Variants in NT5C3A observed in about 807,000 individuals in gnomAD.
NT5C3A encodes the protein 5'-nucleotidase, cytosolic IIIA, also known as cytosolic 5'-nucleotidase 3A.
Under a neutral mutation model 40.0 loss-of-function variants are expected in NT5C3A, and 23 were observed. That is an observed-to-expected ratio of 0.58 (90% confidence interval 0.41 to 0.81). The LOEUF (loss-of-function observed/expected upper bound fraction) is 0.81. Among genes scored for constraint, NT5C3A ranks in the 40% least tolerant of loss-of-function variants. The pLI, the probability that NT5C3A is intolerant of heterozygous loss-of-function variation, is 0.00. For missense variants in NT5C3A, 328 were observed against 403.0 expected (o/e 0.81, Z 1.59); for synonymous variants, 130 against 141.4 (o/e 0.92, Z 0.57).
At chr7:33,054,072 T>C (rs1357889444) in intron 1 of NT5C3A, among the ~76,000 whole-genome samples, 5 of 147,174 alleles carry the variant, frequency 3.4e-5, no homozygotes, top group African/African-American at 1.3e-4. Flanking sequence ...TTGAGTTTAA[T>C]GGGCTGGGCA....
chr7:33,043,909 G>A (rs571034753), intron 1 of NT5C3A, among the ~76,000 whole-genome samples: 124 of 152,234 alleles, frequency 8.1e-4, no homozygotes, highest in South Asian at 5.2e-3. Context: ...TTTAATTGGT[G>A]TAATTTTAAG....
chr7:33,019,447 C>A (rs1785508457), intron 6 of NT5C3A, among the ~76,000 whole-genome samples, 188 bp downstream of exon 6: 1 of 152,154 alleles, frequency 6.6e-6, no homozygotes, highest in Admixed American at 6.5e-5. Context: ...TTACTACCTA[C>A]ACCAAGATCT....
At chr7:33,019,799 T>G in intron 5 of NT5C3A, 75 bp from the exon 6 acceptor site, 1 of 833,258 alleles carries the variant, frequency 1.2e-6, no homozygotes, top group African/African-American at 1.7e-5. Context: ...TACAAAACAT[T>G]CTTCCATGTG....
At chr7:33,033,636 G>T (rs1383215608) in intron 1 of NT5C3A, among the ~76,000 whole-genome samples, 1 of 151,992 alleles carries the variant, frequency 6.6e-6, no homozygotes, top group Admixed American at 6.6e-5. Context: ...TCTTCTTCTG[G>T]GGTCAAAGGA....
chr7:33,027,173 G>A, intron 1 of NT5C3A: 1 of 399,124 alleles, frequency 2.5e-6, no homozygotes, highest in South Asian at 2.3e-5. Context: ...GGGCTCAAAT[G>A]ATCCTCCCAT....
At chr7:33,030,447 T>C (rs1016106181) in intron 1 of NT5C3A, among the ~76,000 whole-genome samples, 1 of 152,184 alleles carries the variant, frequency 6.6e-6, no homozygotes, top group Non-Finnish European at 1.5e-5. Flanking sequence ...TTTTGAATTG[T>C]CTGAAAAATT....
rs1380359001 is a variant in NT5C3A, at chr7:33,053,453, T to C, written c.138+9115A>G. Among the ~76,000 whole-genome samples the C allele has an allele frequency of 2.0e-5, 3 of 152,218 alleles. No individual in the cohort carries two copies. The East Asian group carries it at 5.8e-4, about 30-fold the overall frequency. On this transcript the variant is annotated intron_variant, in intron 1 of 8. Coordinates refer to ENST00000610140, the MANE Select transcript of NT5C3A (RefSeq NM_001002010.5). ...TGCCCACCTTGGCCTCCCAAAGTGC[T>C]GGGATTACAGGCGTGAGCCACCGTG...
chr7:33,041,683 G>T (rs1786920652), intron 1 of NT5C3A, among the ~76,000 whole-genome samples: 1 of 151,946 alleles, frequency 6.6e-6, no homozygotes, highest in South Asian at 2.1e-4. Context: ...TTTAAAAATG[G>T]GGGGAAAAAG....
intron 1 of NT5C3A, chr7:33,041,207 C>T (rs1242116127): frequency 1.9e-5 from 17 of 903,736 alleles, no homozygotes; most frequent in Non-Finnish European, 2.1e-5. Context: ...TCCTTTCCAC[C>T]TGGTTTGTCA....
At chr7:33,023,038 A>G (rs942367779) in intron 3 of NT5C3A, among the ~76,000 whole-genome samples, 62 of 151,494 alleles carry the variant, frequency 4.1e-4, no homozygotes, top group African/African-American at 1.4e-3. Flanking sequence ...CAGCCTCCCA[A>G]ATGAGTAGCT....
chr7:33,019,678 C>T lies in NT5C3A; in HGVS notation c.487G>A (p.Ala163Thr), dbSNP rs1463708777. ...GLLVQQALPKAKLKEIVAESD... is the reference protein window; with the variant it reads ...GLLVQQALPKTKLKEIVAESD... ...TCTGCCACAATTTCTTTAAGTTTAG[C>T]TTTTGGTAAAGCTTGCTGAACAAGC... The change falls in exon 6 of 9, where the codon GCT (alanine) becomes ACT (threonine). Residue 163 changes from alanine to threonine, a missense_variant. Physicochemically the swap from Ala to Thr is moderately conservative, Grantham distance 58. Coordinates refer to ENST00000610140, the MANE Select transcript of NT5C3A (RefSeq NM_001002010.5). 1.2e-6 allele frequency: 2 copies of T among 1,610,870 alleles called. No individual in the cohort carries two copies. The highest frequency in any genetic ancestry group is 1.7e-6 in the Non-Finnish European group (2 of 1,178,242).
At chr7:33,025,592 A>G (rs1180998065) in intron 2 of NT5C3A, among the ~76,000 whole-genome samples, 1 of 152,236 alleles carries the variant, frequency 6.6e-6, no homozygotes, top group Non-Finnish European at 1.5e-5. Context: ...CTGAACTACT[A>G]TGATTAAAAC....
chr7:33,029,455 G>GAC (rs1583919847), intron 1 of NT5C3A: 1 of 356,350 alleles, frequency 2.8e-6, no homozygotes, highest in Non-Finnish European at 5.5e-6. Context: ...TTTATCTCTT[G>GAC]ACAACTAATT....
chr7:33,046,517 G>C (rs183778853), intron 1 of NT5C3A, among the ~76,000 whole-genome samples: 57 of 116,720 alleles, frequency 4.9e-4, no homozygotes, highest in Non-Finnish European at 4.9e-4. Context: ...CTGTGTGACA[G>C]GGGGAGGTTG....
intron 1 of NT5C3A, among the ~76,000 whole-genome samples, chr7:33,033,915 G>A (rs1241762646): frequency 7.2e-6 from 1 of 139,072 alleles, no homozygotes; most frequent in African/African-American, 2.9e-5. Flanking sequence ...TTTTTGAGAG[G>A]GAGTCTCGCA....
intron 1 of NT5C3A, among the ~76,000 whole-genome samples, chr7:33,043,189 G>A (rs1422425211): frequency 6.6e-6 from 1 of 152,124 alleles, no homozygotes; most frequent in African/African-American, 2.4e-5. Context: ...GCACAGTACT[G>A]CTCCATGAGC....
At chr7:33,057,435 T>C (rs1365771835) in intron 1 of NT5C3A, among the ~76,000 whole-genome samples, 1 of 152,068 alleles carries the variant, frequency 6.6e-6, no homozygotes, top group African/African-American at 2.4e-5. Flanking sequence ...GATGGGAGGA[T>C]GGCTTGAGCC....
At chr7:33,027,893 C>T (rs1052797828) in intron 1 of NT5C3A, among the ~76,000 whole-genome samples, 1 of 152,012 alleles carries the variant, frequency 6.6e-6, no homozygotes, top group African/African-American at 2.4e-5. Context: ...ACTTTTGCAT[C>T]TGGCTTTTAT....
intron 1 of NT5C3A, among the ~76,000 whole-genome samples, chr7:33,043,968 G>A (rs1194069931): frequency 6.6e-6 from 1 of 152,050 alleles, no homozygotes; most frequent in East Asian, 1.9e-4. Context: ...TCTGAAGTCA[G>A]GAGAAGTTAA....
Sources: allele counts gnomAD v4.1 joint callset (sites outside exome capture counted in the v4.1 genomes callset), GRCh38; gene constraint gnomAD v4.1.1; transcripts MANE v1.5; gene names NCBI Gene and HGNC (gene_info 2026-07-23, HGNC 2026-07-21).